The following POMT2 variants were observed in gnomAD, a reference collection of about 807,000 sequenced individuals.
The protein encoded by POMT2 is protein O-mannosyltransferase 2.
A neutral mutation model predicts 100.0 loss-of-function variants in POMT2; 75 were observed. That is an observed-to-expected ratio of 0.75 (90% confidence interval 0.62 to 0.91). POMT2 has a LOEUF of 0.91. Ranked by LOEUF, POMT2 falls within the 40% of genes least tolerant of loss-of-function variation. The pLI is 0.00. For synonymous variants in POMT2, 378 were observed against 374.1 expected (o/e 1.01, Z -0.12); for missense variants, 940 against 955.1 (o/e 0.98, Z 0.21).
At chr14:77,308,378 G>C (rs1891306688) in intron 2 of POMT2, among the ~76,000 whole-genome samples, 1 of 113,012 alleles carries the variant, frequency 8.8e-6, no homozygotes, top group African/African-American at 3.4e-5. Flanking sequence ...TTTTTGAGAT[G>C]AAGTGTTGCT....
rs768152690 is a variant in POMT2 at position 77,280,017 on chromosome 14, T to C, written c.1785+4A>G. ...GCCTGAGCCGGGAATGTTTAGGCAC[T>C]CACCGGGTTGCCAAGCAGATAGACT... On this transcript the variant is annotated splice_donor_region_variant and intron_variant, in intron 17 of 20. Coordinates refer to ENST00000261534, the MANE Select transcript of POMT2 (RefSeq NM_013382.7). 3.7e-6 allele frequency: 6 copies of C among 1,613,870 alleles called. No individual in the cohort carries two copies. The South Asian group carries it at 4.4e-5, about 12-fold the overall frequency.
chr14:77,308,739 T>C, intron 2 of POMT2: 1 of 454,618 alleles, frequency 2.2e-6, no homozygotes, highest in Non-Finnish European at 4.4e-6. Flanking sequence ...GGTGGGAGTA[T>C]ATATGATTAC....
At chr14:77,284,812 T>C (rs1253202438) in intron 14 of POMT2, 138 bp downstream of exon 14, 3 of 751,570 alleles carry the variant, frequency 4.0e-6, no homozygotes, top group Non-Finnish European at 6.8e-6. Flanking sequence ...AGACAACTCA[T>C]AGAAAGAGAG....
At chr14:77,305,867 G>A (rs1183870448) in intron 3 of POMT2, among the ~76,000 whole-genome samples, 5 of 152,206 alleles carry the variant, frequency 3.3e-5, no homozygotes, top group African/African-American at 1.2e-4. Flanking sequence ...AAACCTTCAT[G>A]GGGAAAGACA....
chr14:77,318,805 A>G (rs1407863234), intron 1 of POMT2, among the ~76,000 whole-genome samples: 1 of 144,066 alleles, frequency 6.9e-6, no homozygotes, highest in East Asian at 2.0e-4. Context: ...GTGCGATCTT[A>G]GCTCACTGCA....
intron 12 of POMT2, among the ~76,000 whole-genome samples, chr14:77,286,450 A>C (rs1389571667): frequency 3.3e-5 from 5 of 152,232 alleles, no homozygotes; most frequent in African/African-American, 9.6e-5. Flanking sequence ...TTCTATGTCC[A>C]ATGTGATTTT....
intron 9 of POMT2, 80 bp from the exon 10 acceptor site, chr14:77,291,460 A>G (rs745933450): frequency 2.4e-5 from 37 of 1,551,412 alleles, no homozygotes; most frequent in Non-Finnish European, 3.1e-5. Flanking sequence ...GCCAAGGACA[A>G]TCAACCTCAA....
At chr14:77,284,900 T>C in intron 14 of POMT2, 50 bp downstream of exon 14, 1 of 1,478,144 alleles carries the variant, frequency 6.8e-7, no homozygotes, top group Non-Finnish European at 9.5e-7. Flanking sequence ...GATAAGGGTT[T>C]CTTATAAATG....
In POMT2 at chr14:77,279,940, T is replaced by A. The variant is rs537415359; in HGVS notation, c.1786-12A>T. ...AGCCACCAAACCACCTGTGCAGAAA[T>A]GGGAATGGGCAGATGAGAACGCAGC... On this transcript the variant is annotated splice_polypyrimidine_tract_variant and intron_variant, in intron 17 of 20. Transcript: ENST00000261534. 6.2e-7 allele frequency: 1 copy of A among 1,613,910 alleles called. No homozygotes were observed. Among genetic ancestry groups the A allele is most frequent in the East Asian group, 2.2e-5 (1 of 44,860 alleles).
At position 77,291,386 on chromosome 14, in the gene POMT2, TG is replaced by T. The variant is rs763015036; in HGVS notation, c.1117-7del. 3.9e-5 allele frequency: 20 copies of T among 519,470 alleles called. No individual in the cohort carries two copies. Among genetic ancestry groups the T allele is most frequent in the African/African-American group, 8.8e-5 (3 of 34,054 alleles). The allele number at this position is 519,470 out of a possible 1,614,324, so 32.2% of individuals were successfully genotyped here. ...TTGTGCAAATAGGTGGTGACCTGGG[TG>T]GGGGGTGGGGGCGGAGGGAAGAGGA... On this transcript the variant is annotated splice_region_variant and splice_polypyrimidine_tract_variant and intron_variant, in intron 9 of 20. Transcript: ENST00000261534.
chr14:77,291,278 A>G, intron 10 of POMT2, 36 bp downstream of exon 10: 1 of 1,594,056 alleles, frequency 6.3e-7, no homozygotes, highest in Non-Finnish European at 8.6e-7. Context: ...CAGAGGGAGT[A>G]ACAGCACAAG....
chr14:77,295,475 A>G (rs1347288539), intron 9 of POMT2, among the ~76,000 whole-genome samples: 1 of 151,958 alleles, frequency 6.6e-6, no homozygotes, highest in African/African-American at 2.4e-5. Context: ...TACTAAAAAT[A>G]CGAAAAATTA....
rs768957299 is a variant in POMT2, at chr14:77,277,155, G to A, written c.*221C>T. ...TGCACGAGGGAGCAGCCCAAGAGGC[G>A]CTGTCCTCTCCGTGGTGCTGTGGAC... On this transcript the variant is annotated 3_prime_UTR_variant, in exon 21 of 21. Transcript: ENST00000261534. 4.9e-5 allele frequency: 28 copies of A among 575,126 alleles called. No homozygotes were observed. Among genetic ancestry groups the A allele is most frequent in the Non-Finnish European group, 8.5e-5 (27 of 317,574 alleles). 35.6% of individuals were successfully genotyped at this position (575,126 alleles called of 1,614,324 possible). A position where few individuals can be genotyped will look rare whatever the true frequency, so the allele number is the denominator to read the frequency against.
At position 77,283,849 on chromosome 14, in the gene POMT2, A is replaced by G; in HGVS notation, c.1601T>C (p.Leu534Pro). 1 of 1,613,108 alleles carries G rather than the reference A, an allele frequency of 6.2e-7. No individual in the cohort carries two copies. Among genetic ancestry groups the G allele is most frequent in the Non-Finnish European group, 8.5e-7 (1 of 1,179,016 alleles). Residue 534 changes from leucine to proline, a missense_variant, in exon 15 of 21, where the codon CTA becomes CCA. By Grantham distance (98) the Leu-to-Pro change is moderately conservative. Transcript: ENST00000261534. ...PKLPNISLDV[L>P]QPSFPEILLE... ...CAAGATCTCAGGAAAACTGGGCTGT[A>G]GCACATCCAGGCTGATGTTTGGCAC...
intron 2 of POMT2, chr14:77,308,862 A>C: frequency 2.4e-6 from 1 of 417,128 alleles, no homozygotes. Flanking sequence ...GCAACTATAC[A>C]ACGATATATG....
rs2139480453 is a variant in POMT2 at position 77,301,153 on chromosome 14, A to T, written c.753T>A (p.Leu251=). Residue 251 remains leucine (L), a synonymous_variant, in exon 6 of 21, where the codon CTT becomes CTA. Coordinates refer to ENST00000261534, the MANE Select transcript of POMT2 (RefSeq NM_013382.7). ...CTGCAATGGTGTTCAGCCCCACTTGAAGGATGATAAAGAGGCCAACAAACT... is the reference window on the plus strand; with the variant it reads ...CTGCAATGGTGTTCAGCCCCACTTGTAGGATGATAAAGAGGCCAACAAACT... ...GVKFVGLFII[L]QVGLNTIADL... 6.2e-7 allele frequency: 1 copy of T among 1,614,254 alleles called. No individual in the cohort carries two copies. Among genetic ancestry groups the T allele is most frequent in the African/African-American group, 1.3e-5 (1 of 75,072 alleles).
At chr14:77,278,264 G>T in intron 20 of POMT2, 130 bp downstream of exon 20, 1 of 797,710 alleles carries the variant, frequency 1.3e-6, no homozygotes, top group Non-Finnish European at 2.1e-6. Context: ...ACCTGGGCTT[G>T]GGTGACGCAG....
At chr14:77,278,280 C>T in intron 20 of POMT2, 114 bp downstream of exon 20, 1 of 919,870 alleles carries the variant, frequency 1.1e-6, no homozygotes, top group Non-Finnish European at 1.7e-6. Flanking sequence ...CGCAGAACCT[C>T]CAGGCATGGG....
In POMT2 at chr14:77,277,378, A is replaced by C. The variant is rs1423335226; in HGVS notation, c.2251T>G (p.Ter751GlyextTer32). 2 of 1,610,778 alleles carry C rather than the reference A, an allele frequency of 1.2e-6. No homozygotes were observed. The change falls in exon 21 of 21, where the codon TGA (stop) becomes GGA (glycine). Residue 751 changes from the stop codon to glycine, a stop_lost. Coordinates refer to ENST00000261534, the MANE Select transcript of POMT2 (RefSeq NM_013382.7). ...GLRWLDSWDF[*>G] The stretch of plus-strand genomic sequence containing the variant: ...AGGCTGGAATCTTTGCAGTGGCCTC[A>C]AAAGTCCCATGAGTCCAGCCACCTT...
Sources: gnomAD v4.1 joint callset for allele counts (sites outside exome capture counted in the v4.1 genomes callset) on GRCh38, gnomAD v4.1.1 for gene constraint, MANE v1.5 for transcripts, NCBI Gene and HGNC (gene_info 2026-07-23, HGNC 2026-07-21) for gene names.